The following RBFOX3 variants were observed in gnomAD, a reference collection of about 807,000 sequenced individuals.
RBFOX3 encodes the protein RNA binding protein fox-1 homolog 3.
A neutral mutation model predicts 48.7 loss-of-function variants in RBFOX3; 17 were observed. The ratio of observed to expected loss-of-function variants is 0.35; its 90% CI spans 0.24 to 0.52. The LOEUF is 0.52. Ranked by LOEUF, RBFOX3 falls within the 20% of genes least tolerant of loss-of-function variation. The pLI is 0.94. For missense variants in RBFOX3, 382 were observed against 497.5 expected (o/e 0.77, Z 2.21); for synonymous variants, 212 against 209.5 (o/e 1.01, Z -0.10).
chr17:79,091,072 G>C (rs1034144254), intron 14 of RBFOX3, among the ~76,000 whole-genome samples, 187 bp from the exon 15 acceptor site: 1 of 152,214 alleles, frequency 6.6e-6, no homozygotes, highest in Non-Finnish European at 1.5e-5. Flanking sequence ...ATGGGGCCCA[G>C]GCAGCCCAGG....
chr17:79,562,245 C>A (rs1445266292), intron 1 of RBFOX3, among the ~76,000 whole-genome samples: 1 of 152,158 alleles, frequency 6.6e-6, no homozygotes, highest in African/African-American at 2.4e-5. Flanking sequence ...GAATGGAAGT[C>A]CTGAGCCCTC....
intron 2 of RBFOX3, among the ~76,000 whole-genome samples, chr17:79,416,204 G>A (rs1430257802): frequency 1.3e-5 from 2 of 152,214 alleles, no homozygotes; most frequent in Non-Finnish European, 2.9e-5. Context: ...AAGGACAGCT[G>A]GAATCCTCCC....
chr17:79,647,826 C>T, the RBFOX3 span, among the ~76,000 whole-genome samples: 1 of 152,194 alleles, frequency 6.6e-6, no homozygotes, highest in African/African-American at 2.4e-5. Context: ...CCCCAACTCA[C>T]ACCTGTCTCC....
intron 1 of RBFOX3, among the ~76,000 whole-genome samples, chr17:79,483,498 T>C (rs1462237672): frequency 5.7e-4 from 2 of 3,496 alleles, no homozygotes; most frequent in African/African-American, 2.2e-3. Flanking sequence ...TGTGCACATA[T>C]GGCACCTTTC....
chr17:79,212,904 G>A lies in RBFOX3; in HGVS notation c.-34+22862C>T, dbSNP rs1223517471. ...GAGTCTGGCTCTGTTGCCCAGGCTG[G>A]AGTGCAGTGGCGCAATCTCAGATCA... On this transcript the variant is annotated intron_variant, in intron 4 of 14. Coordinates refer to ENST00000693108, the MANE Select transcript of RBFOX3 (RefSeq NM_001350451.2). This position sits in a 1 kb window ranked among gnomAD's most constrained non-coding sequence, Gnocchi z 4.7. Among the ~76,000 whole-genome samples the A allele has an allele frequency of 5.9e-5, 9 of 152,156 alleles. No homozygotes were observed. Among genetic ancestry groups the A allele is most frequent in the Non-Finnish European group, 1.3e-4 (9 of 68,022 alleles).
chr17:79,319,277 G>A (rs2078045806), intron 2 of RBFOX3, among the ~76,000 whole-genome samples: 2 of 152,226 alleles, frequency 1.3e-5, no homozygotes, highest in African/African-American at 2.4e-5. Flanking sequence ...CCAAGAAGTA[G>A]GGGACCCAGG....
chr17:79,434,729 G>T (rs1157972391), intron 2 of RBFOX3, among the ~76,000 whole-genome samples: 3 of 152,162 alleles, frequency 2.0e-5, no homozygotes, highest in Non-Finnish European at 4.4e-5. Flanking sequence ...GGGAAGAGAG[G>T]ATTCAATTCA....
At chr17:79,186,659 A>G (rs2053472184) in intron 4 of RBFOX3, among the ~76,000 whole-genome samples, 1 of 145,750 alleles carries the variant, frequency 6.9e-6, no homozygotes, top group Non-Finnish European at 1.5e-5. Context: ...CTGTCACTCC[A>G]GTGCTAATAT....
At chr17:79,607,633 G>A (rs972134633) in intron 1 of RBFOX3, among the ~76,000 whole-genome samples, 8 of 152,186 alleles carry the variant, frequency 5.3e-5, no homozygotes, top group Non-Finnish European at 1.2e-4. Context: ...GTATATGGGG[G>A]AGGGGGCAGA....
At chr17:79,157,588 T>A (rs1174498044) in intron 4 of RBFOX3, among the ~76,000 whole-genome samples, 2 of 151,854 alleles carry the variant, frequency 1.3e-5, no homozygotes, top group African/African-American at 4.8e-5. Flanking sequence ...AGGGGCCGGG[T>A]TTCCCTAAGT....
chr17:79,486,395 G>A (rs969768713), intron 1 of RBFOX3, among the ~76,000 whole-genome samples: 13 of 152,186 alleles, frequency 8.5e-5, no homozygotes, highest in African/African-American at 2.9e-4. Flanking sequence ...AGTGCTCAGA[G>A]CACAGCAGAG....
At chr17:79,649,610 G>T in the RBFOX3 span, among the ~76,000 whole-genome samples, 1 of 152,224 alleles carries the variant, frequency 6.6e-6, no homozygotes, top group Non-Finnish European at 1.5e-5. Flanking sequence ...GGAGGCTGAC[G>T]CAGGAGAATC....
At chr17:79,098,708 C>CGACAGGTTGGGCAGGAGGGCTTCTT (rs2075878359) in intron 9 of RBFOX3, 1 of 152,402 alleles carries the variant, frequency 6.6e-6, no homozygotes, top group African/African-American at 2.4e-5. Context: ...CCAGGCATTC[C>CGACAGGTTGGGCAGGAGGGCTTCTT]GACAGGTTGG....
intron 2 of RBFOX3, among the ~76,000 whole-genome samples, chr17:79,377,612 C>G (rs569784807): frequency 7.2e-5 from 11 of 152,310 alleles, no homozygotes; most frequent in African/African-American, 2.6e-4. Context: ...ACGGTGACAG[C>G]CGGAGCAGGG....
chr17:79,541,620 C>T (rs2089705455), intron 1 of RBFOX3, among the ~76,000 whole-genome samples: 1 of 152,180 alleles, frequency 6.6e-6, no homozygotes, highest in Non-Finnish European at 1.5e-5. Context: ...ATGGCAAATC[C>T]ACCAAGGCTC....
intron 2 of RBFOX3, among the ~76,000 whole-genome samples, chr17:79,408,278 C>T (rs552224695): frequency 3.9e-5 from 6 of 152,296 alleles, no homozygotes; most frequent in East Asian, 3.9e-4. Context: ...AGTGCCCCAC[C>T]GAGGACAGCT....
At chr17:79,497,129 C>T (rs1394440809) in intron 1 of RBFOX3, among the ~76,000 whole-genome samples, 1 of 152,142 alleles carries the variant, frequency 6.6e-6, no homozygotes, top group Non-Finnish European at 1.5e-5. Context: ...GCAGCCCCCA[C>T]CCAGGTGCAC....
At chr17:79,096,518 C>A in intron 12 of RBFOX3, 135 bp downstream of exon 12, 1 of 757,262 alleles carries the variant, frequency 1.3e-6, no homozygotes, top group Non-Finnish European at 2.2e-6. Context: ...AGACGTGGCA[C>A]CCTCGCCCTC....
In RBFOX3 at chr17:79,199,304, G is replaced by A. The variant is rs1000143892; in HGVS notation, c.-34+36462C>T. Among the ~76,000 whole-genome samples, 4 of 152,172 alleles carry A rather than the reference G, an allele frequency of 2.6e-5. No homozygotes were observed. The highest frequency in any genetic ancestry group is 5.9e-5 in the Non-Finnish European group (4 of 68,038). ...TTCCGGTGGACTTCACACCTGCACG[G>A]CACCTCCTGGCTCTCATTCATCCTG... On this transcript the variant is annotated intron_variant, in intron 4 of 14. Transcript: ENST00000693108. This position sits in a 1 kb window ranked among gnomAD's most constrained non-coding sequence, Gnocchi z 5.1.
Sources: gnomAD v4.1 joint callset for allele counts (sites outside exome capture counted in the v4.1 genomes callset) on GRCh38, gnomAD v4.1.1 for gene constraint, Gnocchi (gnomAD v3.1) non-coding constraint, MANE v1.5 for transcripts, NCBI Gene and HGNC (gene_info 2026-07-23, HGNC 2026-07-21) for gene names.